The following RBM28 variants were observed in gnomAD, a reference collection of about 807,000 sequenced individuals.
The protein encoded by RBM28 is RNA binding motif protein 28.
In RBM28, 78 loss-of-function variants were observed where a neutral mutation model predicts 98.3. That is an observed-to-expected ratio of 0.79 (90% CI 0.66 to 0.96). The LOEUF (loss-of-function observed/expected upper bound fraction) is 0.96. Ranked by LOEUF, RBM28 falls within the 40% of genes least tolerant of loss-of-function variation. The pLI is 0.00. For missense variants in RBM28, 838 were observed against 913.0 expected (o/e 0.92, Z 1.06); for synonymous variants, 306 against 330.9 (o/e 0.92, Z 0.82).
intron 12 of RBM28, among the ~76,000 whole-genome samples, chr7:128,324,153 A>AT (rs996551979): frequency 1.3e-5 from 2 of 152,154 alleles, no homozygotes; most frequent in Admixed American, 6.6e-5. Context: ...TTTAAAGCTA[A>AT]TTTTTTTGTC....
chr7:128,320,215 CAAAA>C lies in RBM28; in HGVS notation c.1563+1047_1563+1050del, dbSNP rs1164059031. On this transcript the variant is annotated intron_variant, in intron 14 of 18. Coordinates refer to ENST00000223073, the MANE Select transcript of RBM28 (RefSeq NM_018077.3). Reference sequence around the variant, plus strand: ...TTAACGACAGAGTGAGACTCCGTCTCAAAAAAAAAAAAAAAAAAAAGAAAGAAAG... The same window carrying C: ...TTAACGACAGAGTGAGACTCCGTCTCAAAAAAAAAAAAAAAAGAAAGAAAG... 5.9e-3 allele frequency among the ~76,000 whole-genome samples: 302 copies of C among 51,134 alleles called. 1 individual carries two copies. The highest frequency in any genetic ancestry group is 0.029 in the African/African-American group (254 of 8,862). 33.5% of individuals were successfully genotyped at this position (51,134 alleles called of 152,430 possible).
intron 5 of RBM28, 69 bp from the exon 6 acceptor site, chr7:128,337,271 A>G: frequency 6.9e-7 from 1 of 1,455,096 alleles, no homozygotes; most frequent in Non-Finnish European, 9.6e-7. Flanking sequence ...AATGACCCCT[A>G]GTCATCACAG....
chr7:128,325,306 T>A (rs6467173), intron 11 of RBM28, among the ~76,000 whole-genome samples: 4,429 of 152,276 alleles, frequency 0.029, 195 homozygotes, highest in African/African-American at 0.1. Context: ...TGAGGAAAAT[T>A]ATCTGTAACC....
chr7:128,338,443 T>C, intron 4 of RBM28, 101 bp from the exon 5 acceptor site: 1 of 990,028 alleles, frequency 1.0e-6, no homozygotes, highest in South Asian at 1.3e-5. Context: ...ATGGCCCAAA[T>C]TCTGCCAGCA....
rs1795779862 is a variant in RBM28 at position 128,301,377 on chromosome 7, G to A, written c.*9420C>T. On this transcript the variant is annotated 3_prime_UTR_variant, in exon 19 of 19. Coordinates refer to ENST00000223073, the MANE Select transcript of RBM28 (RefSeq NM_018077.3). The stretch of plus-strand genomic sequence containing the variant: ...CACAGCCTCCTGGGGAGATGGCTGT[G>A]AAAGTGGGCAAAGGGTGAGTCTCAG... 6.6e-6 allele frequency: 1 copy of A among 152,340 alleles called. No individual in the cohort carries two copies. Among genetic ancestry groups the A allele is most frequent in the South Asian group, 2.1e-4 (1 of 4,834 alleles). The allele number at this position is 152,340 out of a possible 1,614,324, so 9.4% of individuals were successfully genotyped here.
chr7:128,335,442 G>C lies in RBM28; in HGVS notation c.946+101C>G, dbSNP rs935399646. The C allele has an allele frequency of 2.1e-6, 3 of 1,395,958 alleles. No individual in the cohort carries two copies. In the Admixed American group the frequency reaches 5.3e-5, roughly 25 times the overall value. 86.5% of individuals were successfully genotyped at this position (1,395,958 alleles called of 1,614,324 possible). A position where few individuals can be genotyped will look rare whatever the true frequency, so the allele number is the denominator to read the frequency against. On this transcript the variant is annotated intron_variant, in intron 8 of 18. Transcript: ENST00000223073. ...AACATAAATTTGATAGAACACCTTA[G>C]AGTCCTATTTAAAAAGAGATCTAAG...
chr7:128,342,911 C>T (rs1796758342), intron 1 of RBM28, among the ~76,000 whole-genome samples: 1 of 152,162 alleles, frequency 6.6e-6, no homozygotes, highest in Non-Finnish European at 1.5e-5. Flanking sequence ...TCTCTGGCCA[C>T]CCTATCTATA....
At chr7:128,320,729 T>G (rs1173912916) in intron 14 of RBM28, among the ~76,000 whole-genome samples, 1 of 152,242 alleles carries the variant, frequency 6.6e-6, no homozygotes, top group South Asian at 2.1e-4. Context: ...AATAAATGCT[T>G]GCTAAATTAA....
Position 128,310,910 on chromosome 7 carries a change from C to T in RBM28, c.2167G>A (p.Gly723Arg). Residue 723 changes from glycine (G) to arginine (R), a missense_variant, in exon 19 of 19, where the codon GGA becomes AGA. Physicochemically the swap from Gly to Arg is moderately radical, Grantham distance 125 (BLOSUM62 -2). Transcript: ENST00000223073. The part of the protein sequence containing the change: ...SEQVSRKKAK[G>R]NKTETRFNQL... ...TTGAAGCGGGTTTCCGTCTTATTTC[C>T]CTTAGCTTTTTTCCTAGATACCTAC... 6.2e-7 allele frequency: 1 copy of T among 1,613,504 alleles called. No individual in the cohort carries two copies. The highest frequency in any genetic ancestry group is 8.5e-7 in the Non-Finnish European group (1 of 1,179,480).
chr7:128,335,794 G>T (rs546850507), intron 7 of RBM28, 53 bp downstream of exon 7: 12 of 1,613,702 alleles, frequency 7.4e-6, no homozygotes, highest in African/African-American at 6.7e-5. Context: ...TTTTCCTCTC[G>T]GAGACAATCT....
rs1795741712 is a variant in RBM28, at chr7:128,298,790, A to T, written c.*12007T>A. On this transcript the variant is annotated 3_prime_UTR_variant, in exon 19 of 19. Transcript: ENST00000223073. ...TTTGAGAGGCTAAGGTGGGTGGATC[A>T]CTTGAGCTCAGGAGTTTGAGACCAG... 5.3e-5 allele frequency: 8 copies of T among 152,218 alleles called. No homozygotes were observed. The highest frequency in any genetic ancestry group is 5.2e-4 in the Admixed American group (8 of 15,274). The allele number at this position is 152,218 out of a possible 1,614,324, so 9.4% of individuals were successfully genotyped here.
chr7:128,333,469 C>T, intron 8 of RBM28, 107 bp from the exon 9 acceptor site: 1 of 962,162 alleles, frequency 1.0e-6, no homozygotes, highest in South Asian at 1.4e-5. Context: ...GTGGCTCATG[C>T]CACTTTGAAA....
chr7:128,337,675 A>T lies in RBM28; in HGVS notation c.542-473T>A, dbSNP rs1201908655. Among the ~76,000 whole-genome samples, 3 of 150,680 alleles carry T rather than the reference A, an allele frequency of 2.0e-5. No individual in the cohort carries two copies. The East Asian group carries it at 5.9e-4, about 30-fold the overall frequency. Reference sequence around the variant, plus strand: ...CAGGTTCAAGCGATTCTCCTGCCTCAGCCTCTTGAGTAGCTGGGATTACAA... The same window carrying T: ...CAGGTTCAAGCGATTCTCCTGCCTCTGCCTCTTGAGTAGCTGGGATTACAA... On this transcript the variant is annotated intron_variant, in intron 5 of 18. Coordinates refer to ENST00000223073, the MANE Select transcript of RBM28 (RefSeq NM_018077.3).
intron 1 of RBM28, among the ~76,000 whole-genome samples, chr7:128,340,410 C>T (rs73458923): frequency 0.13 from 19,772 of 152,084 alleles, 1,345 homozygotes; most frequent in Non-Finnish European, 0.15. Flanking sequence ...TCAGCCCCCT[C>T]GCCATGACAC....
At position 128,300,294 on chromosome 7, in the gene RBM28, C is replaced by T. The variant is rs182769239; in HGVS notation, c.*10503G>A. ...GCCAGAGGCTCTGTTCTGGGTTCTA[C>T]CTGACCTGGACTCTGAGGGCTCTGA... On this transcript the variant is annotated 3_prime_UTR_variant, in exon 19 of 19. Coordinates refer to ENST00000223073, the MANE Select transcript of RBM28 (RefSeq NM_018077.3). 6.6e-6 allele frequency: 1 copy of T among 152,370 alleles called. No individual in the cohort carries two copies. The highest frequency in any genetic ancestry group is 6.5e-5 in the Admixed American group (1 of 15,308). 9.4% of individuals were successfully genotyped at this position (152,370 alleles called of 1,614,324 possible).
intron 17 of RBM28, among the ~76,000 whole-genome samples, 194 bp from the exon 18 acceptor site, chr7:128,313,468 T>A (rs1796032818): frequency 6.6e-6 from 1 of 152,166 alleles, no homozygotes; most frequent in South Asian, 2.1e-4. Flanking sequence ...GAGACCAGCC[T>A]ATGCAACATA....
At position 128,306,708 on chromosome 7, in the gene RBM28, G is replaced by A. The variant is rs910457558; in HGVS notation, c.*4089C>T. 6.6e-6 allele frequency: 1 copy of A among 152,208 alleles called. No individual in the cohort carries two copies. Among genetic ancestry groups the A allele is most frequent in the African/African-American group, 2.4e-5 (1 of 41,422 alleles). The allele number at this position is 152,208 out of a possible 1,614,324, so 9.4% of individuals were successfully genotyped here. On this transcript the variant is annotated 3_prime_UTR_variant, in exon 19 of 19. Coordinates refer to ENST00000223073, the MANE Select transcript of RBM28 (RefSeq NM_018077.3). ...CATCTATCAAGATGCTCCATTTAGG[G>A]GTGGTCCAAAAGGTCTTTCAGTAAC...
intron 16 of RBM28, among the ~76,000 whole-genome samples, chr7:128,316,157 A>AGC (rs1796103756): frequency 7.2e-6 from 1 of 138,124 alleles, no homozygotes; most frequent in South Asian, 2.4e-4. Context: ...ACAAAAAAAT[A>AGC]GTGTCTACCC....
intron 16 of RBM28, among the ~76,000 whole-genome samples, chr7:128,315,533 G>T (rs1328231137): frequency 6.6e-6 from 1 of 152,180 alleles, no homozygotes; most frequent in African/African-American, 2.4e-5. Flanking sequence ...CCAGACAGGG[G>T]AAAAATTTTA....
Sources: gnomAD v4.1 joint callset for allele counts (sites outside exome capture counted in the v4.1 genomes callset) on GRCh38, gnomAD v4.1.1 for gene constraint, MANE v1.5 for transcripts, NCBI Gene and HGNC (gene_info 2026-07-23, HGNC 2026-07-21) for gene names.